CLTRN: variants seen among roughly 807,000 people sequenced by gnomAD.
CLTRN encodes the protein collectrin, amino acid transport regulator.
A neutral mutation model predicts 14.5 loss-of-function variants in CLTRN; 12 were observed. That is an observed-to-expected ratio of 0.83 (90% CI 0.53 to 1.34). The LOEUF is 1.34. Among genes scored for constraint, CLTRN ranks in the 40% most tolerant of loss-of-function variants. CLTRN has a pLI of 0.00. For synonymous variants in CLTRN, 58 were observed against 56.5 expected, an observed-to-expected ratio of 1.03 and a Z score of -0.12; for missense variants, 154 against 165.1, an observed-to-expected ratio of 0.93 and a Z score of 0.37.
chrX:15,658,982 A>T, intron 3 of CLTRN, 34 bp downstream of exon 3: 1 of 844,616 alleles, frequency 1.2e-6, no homozygotes, highest in Non-Finnish European at 1.7e-6. Flanking sequence ...TAATACTGTA[A>T]ATAATCAGTT....
chrX:15,646,458 A>AACCCCCC, intron 3 of CLTRN: 3 of 228,791 alleles, frequency 1.3e-5, no homozygotes, highest in Non-Finnish European at 1.6e-5. Flanking sequence ...AAAACCGCGC[A>AACCCCCC]CCCACCCCCC....
At chrX:15,674,774 G>C (rs1271112511) in intron 1 of CLTRN, among the ~76,000 whole-genome samples, 1 of 112,997 alleles carries the variant, frequency 8.8e-6, no homozygotes, top group African/African-American at 3.2e-5. Flanking sequence ...AGCGCAGAGA[G>C]CGTGCAACTG....
At position 15,664,393 on chromosome X, in the gene CLTRN, C is replaced by T; in HGVS notation, c.61G>A (p.Ala21Thr). The part of the protein sequence containing the change: ...AIHAELCQPG[A>T]ENAFKVRLSI... ...AGTCTCACTTTAAAAGCATTTTCTG[C>T]ACCTGCCAGAAAAGAAAAAAGAAAG... The change falls in exon 2 of 6, where the codon GCA (alanine) becomes ACA (threonine). Residue 21 changes from alanine (A) to threonine (T), a missense_variant and splice_region_variant. Coordinates refer to ENST00000380342, the MANE Select transcript of CLTRN (RefSeq NM_020665.6). 8.5e-7 allele frequency: 1 copy of T among 1,182,004 alleles called. No homozygotes were observed. Among genetic ancestry groups the T allele is most frequent in the Non-Finnish European group, 1.1e-6 (1 of 877,593 alleles).
chrX:15,647,411 T>C (rs1460631135), intron 3 of CLTRN, among the ~76,000 whole-genome samples: 1 of 112,766 alleles, frequency 8.9e-6, no homozygotes, highest in Admixed American at 9.3e-5. Flanking sequence ...AAAATATTTG[T>C]TGTTAATAAT....
At chrX:15,657,317 G>C (rs1929396330) in intron 3 of CLTRN, among the ~76,000 whole-genome samples, 1 of 112,440 alleles carries the variant, frequency 8.9e-6, no homozygotes, top group South Asian at 3.6e-4. Flanking sequence ...CCAACTGTAA[G>C]TCAAACAACC....
intron 4 of CLTRN, 25 bp from the exon 5 acceptor site, chrX:15,639,781 TAAAC>T (rs1317095451): frequency 1.8e-6 from 2 of 1,139,871 alleles, no homozygotes; most frequent in Non-Finnish European, 2.4e-6. Context: ...TAATTAAAAA[TAAAC>T]AAAATAAGAC....
chrX:15,646,922 T>C (rs1335691330), intron 3 of CLTRN: 3 of 271,037 alleles, frequency 1.1e-5, no homozygotes, highest in South Asian at 1.0e-4. Context: ...CATTCCTTTC[T>C]GCCCGGGTCT....
rs989126839 is a variant in CLTRN, at chrX:15,655,021, C to T, written c.203+3995G>A. Among the ~76,000 whole-genome samples, 3 of 112,258 alleles carry T rather than the reference C, an allele frequency of 2.7e-5. No individual in the cohort carries two copies. The Admixed American group carries it at 2.8e-4, about 11-fold the overall frequency. On this transcript the variant is annotated intron_variant, in intron 3 of 5. Coordinates refer to ENST00000380342, the MANE Select transcript of CLTRN (RefSeq NM_020665.6). ...AGATGGTGTGGCTTTCCTGTCACTT[C>T]CGGCTGCTAAGGCATCCAGGCCAGT...
At chrX:15,666,567 C>T (rs981947741), upstream of CLTRN, among the ~76,000 whole-genome samples, 3 of 112,169 alleles carry the variant, frequency 2.7e-5, no homozygotes, top group Non-Finnish European at 3.8e-5. Context: ...CATCATTTCT[C>T]CCTCCTTGCG....
At chrX:15,643,440 G>A (rs1928988635) in intron 4 of CLTRN, among the ~76,000 whole-genome samples, 2 of 111,720 alleles carry the variant, frequency 1.8e-5, no homozygotes, top group Admixed American at 1.9e-4. Flanking sequence ...ATTTTGTTGT[G>A]AACATATTCA....
chrX:15,652,622 T>G (rs1371107361), intron 3 of CLTRN, among the ~76,000 whole-genome samples: 1 of 111,485 alleles, frequency 9.0e-6, no homozygotes, highest in African/African-American at 3.3e-5. Context: ...TGTTGTTGTT[T>G]TTGCTTTTCT....
At chrX:15,644,510 T>C (rs1464377418) in intron 4 of CLTRN, among the ~76,000 whole-genome samples, 1 of 111,680 alleles carries the variant, frequency 9.0e-6, no homozygotes, top group Non-Finnish European at 1.9e-5. Context: ...TAATAATGAT[T>C]AGTTTGCATG....
At chrX:15,653,740 C>T (rs996773453) in intron 3 of CLTRN, among the ~76,000 whole-genome samples, 1 of 111,681 alleles carries the variant, frequency 9.0e-6, no homozygotes, top group Non-Finnish European at 1.9e-5. Flanking sequence ...AAAAAGAAAC[C>T]GAGAGTTTGG....
chrX:15,636,895 C>G (rs1204484000), intron 5 of CLTRN, among the ~76,000 whole-genome samples: 1 of 111,344 alleles, frequency 9.0e-6, no homozygotes, highest in African/African-American at 3.3e-5. Flanking sequence ...GGTGACTCAA[C>G]TAAGATTATA....
chrX:15,673,343 T>C (rs1192177362), intron 1 of CLTRN, among the ~76,000 whole-genome samples: 1 of 112,340 alleles, frequency 8.9e-6, no homozygotes, highest in African/African-American at 3.2e-5. Context: ...AATCTTACCA[T>C]TGGCTACATT....
intron 3 of CLTRN, among the ~76,000 whole-genome samples, chrX:15,648,236 T>C (rs1048764845): frequency 1.8e-5 from 2 of 111,859 alleles, no homozygotes; most frequent in African/African-American, 6.5e-5. Flanking sequence ...GTAAATATAG[T>C]ATATGCTGTC....
intron 1 of CLTRN, among the ~76,000 whole-genome samples, chrX:15,673,440 G>A (rs1199151055): frequency 1.8e-5 from 2 of 112,030 alleles, no homozygotes; most frequent in African/African-American, 6.5e-5. Context: ...TTGGTACGCG[G>A]CCTCAAATCA....
chrX:15,637,439 G>A (rs889701738), intron 5 of CLTRN, among the ~76,000 whole-genome samples: 45 of 111,855 alleles, frequency 4.0e-4, no homozygotes, highest in Admixed American at 1.1e-3. Flanking sequence ...TCAGAAGGTT[G>A]TCATAATTTT....
At chrX:15,657,475 A>G (rs759389443) in intron 3 of CLTRN, among the ~76,000 whole-genome samples, 15 of 112,638 alleles carry the variant, frequency 1.3e-4, no homozygotes, top group South Asian at 3.6e-4. Flanking sequence ...ACTTAATTTA[A>G]CTTAGTCATG....
Sources: allele counts gnomAD v4.1 joint callset (sites outside exome capture counted in the v4.1 genomes callset), GRCh38; gene constraint gnomAD v4.1.1; transcripts MANE v1.5; gene names NCBI Gene and HGNC (gene_info 2026-07-23, HGNC 2026-07-21).